SHROOM3: variants seen among roughly 807,000 people sequenced by gnomAD.
The protein encoded by SHROOM3 is shroom family member 3.
In SHROOM3, 47 loss-of-function variants were observed where a neutral mutation model predicts 138.6. That is an observed-to-expected ratio of 0.34 (90% CI 0.27 to 0.43). The LOEUF (loss-of-function observed/expected upper bound fraction) is 0.43. Among genes scored for constraint, SHROOM3 ranks in the 20% least tolerant of loss-of-function variants. SHROOM3 has a pLI of 1.00. For synonymous variants in SHROOM3, 1,062 were observed against 1,063.3 expected, an observed-to-expected ratio of 1.00 and a Z score of 0.02; for missense variants, 2,491 against 2,596.5, an observed-to-expected ratio of 0.96 and a Z score of 0.88.
intron 2 of SHROOM3, among the ~76,000 whole-genome samples, chr4:76,650,061 G>A (rs936088683): frequency 2.0e-5 from 3 of 152,170 alleles, no homozygotes; most frequent in African/African-American, 4.8e-5. Context: ...TGTGCTTGGA[G>A]AGAGTTTAAA....
chr4:76,731,068 C>A, intron 4 of SHROOM3, 133 bp downstream of exon 4: 2 of 1,195,410 alleles, frequency 1.7e-6, no homozygotes, highest in South Asian at 1.2e-5. Context: ...CTATCCACTG[C>A]TTTTCTCATC....
intron 2 of SHROOM3, among the ~76,000 whole-genome samples, chr4:76,606,263 C>T (rs552978166): frequency 6.0e-5 from 9 of 150,528 alleles, no homozygotes; most frequent in East Asian, 5.9e-4. Context: ...CTGCCTGCCT[C>T]GGCCTCCCAA....
At chr4:76,687,982 C>T (rs1030738157) in intron 2 of SHROOM3, among the ~76,000 whole-genome samples, 1 of 152,204 alleles carries the variant, frequency 6.6e-6, no homozygotes, top group Non-Finnish European at 1.5e-5. Context: ...TTCTTACTCC[C>T]CCCCACGCGC....
At chr4:76,446,794 T>C (rs1323016596) in intron 1 of SHROOM3, among the ~76,000 whole-genome samples, 1 of 152,190 alleles carries the variant, frequency 6.6e-6, no homozygotes, top group Non-Finnish European at 1.5e-5. Context: ...GATGGTCTTT[T>C]ATGAAGGAGT....
At chr4:76,528,343 C>CTTCT (rs1491513396) in intron 1 of SHROOM3, among the ~76,000 whole-genome samples, 13 of 38,516 alleles carry the variant, frequency 3.4e-4, no homozygotes, top group African/African-American at 1.3e-3. Context: ...TCTTCTTCTT[C>CTTCT]TTTTTTTTTT....
intron 2 of SHROOM3, among the ~76,000 whole-genome samples, chr4:76,570,499 C>T (rs983380306): frequency 5.9e-5 from 9 of 152,156 alleles, no homozygotes; most frequent in Admixed American, 5.9e-4. Context: ...TTCCTCGTCA[C>T]CTTTCCATCA....
intron 1 of SHROOM3, among the ~76,000 whole-genome samples, chr4:76,447,477 C>T (rs1730838194): frequency 6.6e-6 from 1 of 152,128 alleles, no homozygotes; most frequent in Non-Finnish European, 1.5e-5. Flanking sequence ...GGGAAATGAG[C>T]TTCTGGAATT....
chr4:76,731,291 C>T (rs1028679387), intron 4 of SHROOM3, among the ~76,000 whole-genome samples: 5 of 152,084 alleles, frequency 3.3e-5, no homozygotes, highest in South Asian at 2.1e-4. Context: ...TAGTCAAAAC[C>T]GTATCCATTT....
At chr4:76,675,034 G>A (rs891510586) in intron 2 of SHROOM3, among the ~76,000 whole-genome samples, 20 of 152,172 alleles carry the variant, frequency 1.3e-4, no homozygotes, top group African/African-American at 4.3e-4. Flanking sequence ...AAGAAAACGA[G>A]GGATATAAAT....
At chr4:76,700,875 C>A (rs1043888266) in intron 2 of SHROOM3, among the ~76,000 whole-genome samples, 1 of 151,992 alleles carries the variant, frequency 6.6e-6, no homozygotes, top group Admixed American at 6.6e-5. Context: ...TCCTCCACCT[C>A]CTGGGTTCAA....
intron 4 of SHROOM3, among the ~76,000 whole-genome samples, chr4:76,737,659 T>C (rs1465927208): frequency 8.5e-6 from 1 of 117,032 alleles, no homozygotes; most frequent in African/African-American, 2.8e-5. Flanking sequence ...TTTGTTTGGT[T>C]GTTTTTTGTT....
intron 1 of SHROOM3, among the ~76,000 whole-genome samples, chr4:76,475,463 G>A (rs752684260): frequency 1.3e-5 from 2 of 152,278 alleles, no homozygotes; most frequent in South Asian, 4.1e-4. Context: ...AAGACTTTTG[G>A]GTCAGAGATA....
chr4:76,478,131 GT>G (rs1008359272), intron 1 of SHROOM3, among the ~76,000 whole-genome samples: 12 of 152,050 alleles, frequency 7.9e-5, no homozygotes, highest in Admixed American at 3.3e-4. Flanking sequence ...AGACAGAATT[GT>G]TCACTCCCCT....
intron 1 of SHROOM3, among the ~76,000 whole-genome samples, chr4:76,485,030 TAGA>T (rs1458466584): frequency 2.0e-5 from 3 of 152,190 alleles, no homozygotes; most frequent in East Asian, 1.9e-4. Context: ...TGTCAGATAA[TAGA>T]AGAACTCACT....
At chr4:76,437,328 T>C (rs1560505797) in intron 1 of SHROOM3, among the ~76,000 whole-genome samples, 1 of 152,212 alleles carries the variant, frequency 6.6e-6, no homozygotes, top group African/African-American at 2.4e-5. Context: ...AAACCGAGTT[T>C]ATAGTGGCTC....
At chr4:76,440,585 C>T (rs1730649766) in intron 1 of SHROOM3, among the ~76,000 whole-genome samples, 1 of 152,154 alleles carries the variant, frequency 6.6e-6, no homozygotes. Context: ...TAGTTCAAGA[C>T]CCATAAAATA....
At chr4:76,601,192 G>A (rs928094549) in intron 2 of SHROOM3, among the ~76,000 whole-genome samples, 1 of 152,186 alleles carries the variant, frequency 6.6e-6, no homozygotes, top group African/African-American at 2.4e-5. Flanking sequence ...TTCTCAGCTA[G>A]AGGCGATTTC....
chr4:76,443,603 T>C (rs1730742972), intron 1 of SHROOM3, among the ~76,000 whole-genome samples: 1 of 152,202 alleles, frequency 6.6e-6, no homozygotes, highest in Non-Finnish European at 1.5e-5. Context: ...CCATCTCTTG[T>C]GCTCTGACAT....
chr4:76,735,861 AAAAAAAAATATATATATAT>A (rs1721041763), intron 4 of SHROOM3, among the ~76,000 whole-genome samples: 1 of 21,452 alleles, frequency 4.7e-5, no homozygotes, highest in African/African-American at 1.4e-4. Flanking sequence ...AAAAAAAAAA[AAAAAAAAATATATATATAT>A]ATATATATAT....
Sources: gnomAD v4.1 joint callset for allele counts (sites outside exome capture counted in the v4.1 genomes callset) on GRCh38, gnomAD v4.1.1 for gene constraint, MANE v1.5 for transcripts, NCBI Gene and HGNC (gene_info 2026-07-23, HGNC 2026-07-21) for gene names.